RAB3B: variants seen among roughly 807,000 people sequenced by gnomAD.
The protein encoded by RAB3B is RAB3B, member RAS oncogene family.
Under a neutral mutation model 20.5 loss-of-function variants are expected in RAB3B, and 11 were observed. The ratio of observed to expected loss-of-function variants is 0.54; its 90% CI spans 0.34 to 0.89. The LOEUF is 0.89. Ranked by LOEUF, RAB3B falls within the 40% of genes least tolerant of loss-of-function variation. The pLI is 0.02. For missense variants in RAB3B, 225 were observed against 280.9 expected (o/e 0.80, Z 1.42); for synonymous variants, 99 against 106.3 (o/e 0.93, Z 0.42).
chr1:51,933,457 A>T lies in RAB3B; in HGVS notation c.348-15T>A. ...TCTGAGTAGCCCTAAAATGAGATAG[A>T]AAGAGATATGTTAATCATATTCCTA... On this transcript the variant is annotated splice_polypyrimidine_tract_variant and intron_variant, in intron 3 of 4. Coordinates refer to ENST00000371655, the MANE Select transcript of RAB3B (RefSeq NM_002867.4). 1.2e-6 allele frequency: 2 copies of T among 1,606,564 alleles called. No individual in the cohort carries two copies. Among genetic ancestry groups the T allele is most frequent in the Non-Finnish European group, 1.7e-6 (2 of 1,174,306 alleles).
At position 51,976,943 on chromosome 1, in the gene RAB3B, A is replaced by C. The variant is rs1470443168; in HGVS notation, c.175T>G (p.Phe59Val). 2 of 1,614,102 alleles carry C rather than the reference A, an allele frequency of 1.2e-6. No homozygotes were observed. Among genetic ancestry groups the C allele is most frequent in the Non-Finnish European group, 1.7e-6 (2 of 1,180,044 alleles). Residue 59 changes from phenylalanine to valine, a missense_variant, in exon 2 of 5, where the codon TTC becomes GTC. By Grantham distance (50) the Phe-to-Val change is conservative. Coordinates refer to ENST00000371655, the MANE Select transcript of RAB3B (RefSeq NM_002867.4). ...TGACGGTAGACTGTCTTCACCTTGA[A>C]GTCGATGCCCACGGTGCTAACGAAG... Reference protein sequence around the residue: ...PAFVSTVGIDFKVKTVYRHEK... With the variant: ...PAFVSTVGIDVKVKTVYRHEK...
intron 1 of RAB3B, among the ~76,000 whole-genome samples, chr1:51,989,208 TTGTGTG>T (rs60661761): frequency 0.02 from 1,982 of 99,820 alleles, 29 homozygotes; most frequent in Middle Eastern, 0.056. Context: ...CCATCTTGTT[TTGTGTG>T]TGTGTGTGTG....
chr1:51,921,249 C>T (rs1684168210), intron 4 of RAB3B, among the ~76,000 whole-genome samples: 1 of 152,128 alleles, frequency 6.6e-6, no homozygotes, highest in African/African-American at 2.4e-5. Context: ...GCATTTTCTC[C>T]TTGGGATTCC....
chr1:51,939,639 A>G (rs1295398868), intron 2 of RAB3B, among the ~76,000 whole-genome samples: 1 of 152,162 alleles, frequency 6.6e-6, no homozygotes, highest in Non-Finnish European at 1.5e-5. Context: ...TGAGTGCATG[A>G]TCACAGCTCA....
intron 1 of RAB3B, chr1:51,980,872 A>C (rs1325019865): frequency 3.1e-6 from 2 of 635,546 alleles, no homozygotes; most frequent in Non-Finnish European, 5.6e-6. Flanking sequence ...AGAAAAATAA[A>C]ATGGAAATTG....
At position 51,972,971 on chromosome 1, in the gene RAB3B, CA is replaced by C. The variant is rs984489527; in HGVS notation, c.228+3918del. Among the ~76,000 whole-genome samples, 3 of 152,066 alleles carry C rather than the reference CA, an allele frequency of 2.0e-5. No homozygotes were observed. In the East Asian group the frequency reaches 5.8e-4, roughly 29 times the overall value. ...GCCTTTATGAGGTATAATTGATACACAAAAAAATTCACTTATTTAATGTATA... is the reference window on the plus strand; with the variant it reads ...GCCTTTATGAGGTATAATTGATACACAAAAAATTCACTTATTTAATGTATA... On this transcript the variant is annotated intron_variant, in intron 2 of 4. Coordinates refer to ENST00000371655, the MANE Select transcript of RAB3B (RefSeq NM_002867.4).
At chr1:51,978,604 T>C (rs977034590) in intron 1 of RAB3B, among the ~76,000 whole-genome samples, 1 of 152,206 alleles carries the variant, frequency 6.6e-6, no homozygotes, top group African/African-American at 2.4e-5. Flanking sequence ...CATGGTCTTA[T>C]TTAAGTCTTT....
At position 51,919,975 on chromosome 1, in the gene RAB3B, C is replaced by G. The variant is rs754333359; in HGVS notation, c.612G>C (p.Thr204=). ...DPSMLGSSKN[T]RLSDTPPLLQ... ...GCAGCGGTGGGGTGTCCGAGAGACGCGTGTTCTTGGAGGAGCCCAGCATCG... is the reference window on the plus strand; with the variant it reads ...GCAGCGGTGGGGTGTCCGAGAGACGGGTGTTCTTGGAGGAGCCCAGCATCG... The change falls in exon 5 of 5, where the codon ACG becomes ACC. Residue 204 remains threonine (T), a synonymous_variant. Transcript: ENST00000371655. The G allele has an allele frequency of 1.9e-5, 31 of 1,613,908 alleles. No homozygotes were observed. Among genetic ancestry groups the G allele is most frequent in the African/African-American group, 2.7e-5 (2 of 74,898 alleles).
chr1:51,918,418 A>C lies in RAB3B; in HGVS notation c.*1509T>G, dbSNP rs978210381. ...TATAGAGGTATTTGACCTAGAGAAAAGGCAAGTCCCAGGAGTCATGATTCC... is the reference window on the plus strand; with the variant it reads ...TATAGAGGTATTTGACCTAGAGAAACGGCAAGTCCCAGGAGTCATGATTCC... On this transcript the variant is annotated 3_prime_UTR_variant, in exon 5 of 5. Transcript: ENST00000371655. The C allele has an allele frequency of 6.6e-6, 1 of 152,256 alleles. No homozygotes were observed. Among genetic ancestry groups the C allele is most frequent in the African/African-American group, 2.4e-5 (1 of 41,456 alleles). 9.4% of individuals were successfully genotyped at this position (152,256 alleles called of 1,614,324 possible). A position where few individuals can be genotyped will look rare whatever the true frequency, so the allele number is the denominator to read the frequency against.
intron 2 of RAB3B, among the ~76,000 whole-genome samples, chr1:51,960,268 A>T (rs1159726867): frequency 6.6e-6 from 1 of 152,258 alleles, no homozygotes; most frequent in African/African-American, 2.4e-5. Context: ...TCTCATGAAC[A>T]ATCAGATGAA....
rs1054527939 is a variant in RAB3B, at chr1:51,910,151, T to C, written c.*9776A>G. Reference sequence around the variant, plus strand: ...TGTCAGACTGTAAGCCCTGTAGGCTTAACTATTCTGCCTTATGACCTTCTG... The same window carrying C: ...TGTCAGACTGTAAGCCCTGTAGGCTCAACTATTCTGCCTTATGACCTTCTG... On this transcript the variant is annotated 3_prime_UTR_variant, in exon 5 of 5. Transcript: ENST00000371655. 6.6e-6 allele frequency: 1 copy of C among 152,214 alleles called. No homozygotes were observed. The highest frequency in any genetic ancestry group is 2.4e-5 in the African/African-American group (1 of 41,460). 9.4% of individuals were successfully genotyped at this position (152,214 alleles called of 1,614,324 possible).
chr1:51,954,120 G>A (rs1273272636), intron 2 of RAB3B, among the ~76,000 whole-genome samples: 1 of 152,222 alleles, frequency 6.6e-6, no homozygotes, highest in Non-Finnish European at 1.5e-5. Flanking sequence ...TGAGCTTTGA[G>A]AGGCCAGAGA....
intron 1 of RAB3B, among the ~76,000 whole-genome samples, chr1:51,978,654 C>A (rs1289617097): frequency 6.6e-6 from 1 of 152,236 alleles, no homozygotes; most frequent in East Asian, 1.9e-4. Flanking sequence ...AGGTACCCTG[C>A]TTCTCCACCT....
rs1316525794 is a variant in RAB3B at position 51,908,809 on chromosome 1, T to C, written c.*11118A>G. 1.3e-5 allele frequency: 2 copies of C among 152,184 alleles called. No individual in the cohort carries two copies. The highest frequency in any genetic ancestry group is 4.8e-5 in the African/African-American group (2 of 41,422). The allele number at this position is 152,184 out of a possible 1,614,324, so 9.4% of individuals were successfully genotyped here. The stretch of plus-strand genomic sequence containing the variant: ...CCTTCTCTATGTAGTCTTGGATAGG[T>C]TGCTTCACTGATGCAGGCCTCAGTC... On this transcript the variant is annotated 3_prime_UTR_variant, in exon 5 of 5. Transcript: ENST00000371655.
intron 1 of RAB3B, among the ~76,000 whole-genome samples, chr1:51,980,045 A>C (rs551060512): frequency 3.2e-4 from 47 of 148,454 alleles, no homozygotes; most frequent in South Asian, 1.4e-3. Context: ...CCACCCCCCC[A>C]AAAAAAAAAT....
intron 2 of RAB3B, among the ~76,000 whole-genome samples, chr1:51,971,235 C>CAA (rs746898343): frequency 7.2e-6 from 1 of 138,006 alleles, no homozygotes; most frequent in African/African-American, 2.7e-5. Flanking sequence ...CTCACAAAAC[C>CAA]AAAAAAAAAA....
chr1:51,924,295 C>CTTA (rs1220111538), intron 4 of RAB3B, among the ~76,000 whole-genome samples: 1 of 152,008 alleles, frequency 6.6e-6, no homozygotes, highest in Non-Finnish European at 1.5e-5. Flanking sequence ...TATTACAGGG[C>CTTA]AATAAGTGTT....
Position 51,976,893 on chromosome 1 carries a change from G to T in RAB3B, c.225C>A (p.Ile75=). The T allele has an allele frequency of 6.2e-7, 1 of 1,613,636 alleles. No individual in the cohort carries two copies. Among genetic ancestry groups the T allele is most frequent in the Non-Finnish European group, 8.5e-7 (1 of 1,179,532 alleles). ...GCCCAAGATTCCCGGGACTCACCCA[G>T]ATCTGCAGTTTCACCCGCTTCTCGT... ...YRHEKRVKLQ[I]WDTAGQERYR... is the part of the protein sequence containing the mutation. Residue 75 remains isoleucine, a synonymous_variant, in exon 2 of 5, where the codon ATC becomes ATA. Coordinates refer to ENST00000371655, the MANE Select transcript of RAB3B (RefSeq NM_002867.4).
At chr1:51,948,218 T>A (rs1393399972) in intron 2 of RAB3B, among the ~76,000 whole-genome samples, 1 of 152,122 alleles carries the variant, frequency 6.6e-6, no homozygotes, top group Non-Finnish European at 1.5e-5. Flanking sequence ...TGACAGGAAA[T>A]CATGAAAACG....
Sources: gnomAD v4.1 joint callset for allele counts (sites outside exome capture counted in the v4.1 genomes callset) on GRCh38, gnomAD v4.1.1 for gene constraint, MANE v1.5 for transcripts, NCBI Gene and HGNC (gene_info 2026-07-23, HGNC 2026-07-21) for gene names.